CTNNA2: variants seen among roughly 807,000 people sequenced by gnomAD.
CTNNA2 encodes catenin alpha-2.
Under a neutral mutation model 101.0 loss-of-function variants are expected in CTNNA2, and 42 were observed. The ratio of observed to expected loss-of-function variants is 0.42; its 90% confidence interval spans 0.32 to 0.54. The LOEUF is 0.54. Ranked by LOEUF, CTNNA2 falls within the 20% of genes least tolerant of loss-of-function variation. The pLI is 0.14. For missense variants in CTNNA2, 871 were observed against 1,223.1 expected, an observed-to-expected ratio of 0.71 and a Z score of 4.29; for synonymous variants, 450 against 456.4, an observed-to-expected ratio of 0.99 and a Z score of 0.18.
chr2:79,540,677 G>A (rs1016801608), intron 1 of CTNNA2, among the ~76,000 whole-genome samples: 4 of 152,188 alleles, frequency 2.6e-5, no homozygotes, highest in African/African-American at 9.7e-5. Context: ...TTTATAATGA[G>A]CACATGAAAT....
At chr2:79,466,133 T>C (rs1670931850) in intron 4 of CTNNA2, among the ~76,000 whole-genome samples, 1 of 152,166 alleles carries the variant, frequency 6.6e-6, no homozygotes, top group African/African-American at 2.4e-5. Flanking sequence ...TTCCCTTTCC[T>C]AGCCAAGGGT....
At chr2:79,188,489 C>T (rs964691800) in intron 1 of CTNNA2, among the ~76,000 whole-genome samples, 2 of 152,182 alleles carry the variant, frequency 1.3e-5, no homozygotes, top group African/African-American at 2.4e-5. Context: ...CCACCTATTG[C>T]TGGAACCTAA....
At chr2:79,906,243 A>G (rs1363309212) in intron 6 of CTNNA2, among the ~76,000 whole-genome samples, 1 of 151,958 alleles carries the variant, frequency 6.6e-6, no homozygotes, top group Non-Finnish European at 1.5e-5. Context: ...CCATACACAC[A>G]TACACACACA....
intron 7 of CTNNA2, among the ~76,000 whole-genome samples, chr2:79,943,110 G>A (rs1440212036): frequency 3.3e-5 from 5 of 152,198 alleles, no homozygotes; most frequent in Middle Eastern, 3.4e-3. Context: ...CCAGCTACTC[G>A]GTAGGCTGAA....
rs192153163 is a variant in CTNNA2 at position 80,117,820 on chromosome 2, G to A, written c.1056+208023G>A. 2.6e-5 allele frequency among the ~76,000 whole-genome samples: 4 copies of A among 152,286 alleles called. No individual in the cohort carries two copies. The East Asian group carries it at 7.7e-4, about 29-fold the overall frequency. ...TCAGCTTACAACACATAGTTTGGGT[G>A]TTATATTAGTATTAGTGTTTGACTA... is the stretch of plus-strand genomic sequence containing the variant. On this transcript the variant is annotated intron_variant, in intron 7 of 18. Coordinates refer to ENST00000402739, the MANE Select transcript of CTNNA2 (RefSeq NM_001282597.3).
chr2:80,581,685 CTT>C lies in CTNNA2; in HGVS notation c.1894-20_1894-19del, dbSNP rs1695558395. The C allele has an allele frequency of 1.4e-6, 2 of 1,450,666 alleles. No individual in the cohort carries two copies. Among genetic ancestry groups the C allele is most frequent in the Non-Finnish European group, 1.9e-6 (2 of 1,031,854 alleles). The allele number at this position is 1,450,666 out of a possible 1,614,324, so 89.9% of individuals were successfully genotyped here. On this transcript the variant is annotated intron_variant, in intron 13 of 18. Coordinates refer to ENST00000402739, the MANE Select transcript of CTNNA2 (RefSeq NM_001282597.3). The stretch of plus-strand genomic sequence containing the variant: ...AAGATTATCAATTTAAGTATGCTGA[CTT>C]ATATCTTTTTGTCTTTAGACCCCAG...
chr2:79,199,574 C>A (rs183144116), intron 2 of CTNNA2, among the ~76,000 whole-genome samples: 3 of 152,078 alleles, frequency 2.0e-5, no homozygotes, highest in South Asian at 2.1e-4. Context: ...TAGAATTCAG[C>A]AGTCATTTTG....
At chr2:79,949,761 G>C (rs1688752474) in intron 7 of CTNNA2, among the ~76,000 whole-genome samples, 1 of 152,058 alleles carries the variant, frequency 6.6e-6, no homozygotes, top group Non-Finnish European at 1.5e-5. Context: ...CTGGGTGAAA[G>C]AGTGAAAGCC....
At chr2:79,566,873 A>G (rs1675148416) in intron 1 of CTNNA2, among the ~76,000 whole-genome samples, 1 of 152,132 alleles carries the variant, frequency 6.6e-6, no homozygotes, top group Non-Finnish European at 1.5e-5. Flanking sequence ...TTCCTTCTAT[A>G]TTTACAACTC....
intron 7 of CTNNA2, among the ~76,000 whole-genome samples, chr2:80,228,169 T>G (rs542571037): frequency 2.0e-5 from 3 of 152,220 alleles, no homozygotes; most frequent in Non-Finnish European, 4.4e-5. Flanking sequence ...GGCCATTGCC[T>G]AAGTCCATTT....
At chr2:79,850,240 CCTCT>C (rs1680572059) in intron 3 of CTNNA2, among the ~76,000 whole-genome samples, 2 of 145,946 alleles carry the variant, frequency 1.4e-5, no homozygotes, top group African/African-American at 2.6e-5. Flanking sequence ...TATCTCTCTC[CCTCT>C]GTTTCTCTCT....
chr2:79,312,113 T>G (rs1193197796), intron 2 of CTNNA2, among the ~76,000 whole-genome samples: 1 of 152,108 alleles, frequency 6.6e-6, no homozygotes, highest in African/African-American at 2.4e-5. Context: ...GTCACCATGT[T>G]GCCCAGGCTG....
At chr2:80,438,124 G>A (rs1017445092) in intron 9 of CTNNA2, among the ~76,000 whole-genome samples, 6 of 152,188 alleles carry the variant, frequency 3.9e-5, no homozygotes, top group Non-Finnish European at 4.4e-5. Flanking sequence ...AGCAAGTTTG[G>A]TTTCTCCTGA....
chr2:79,600,812 G>A (rs1234225982), intron 1 of CTNNA2, among the ~76,000 whole-genome samples: 1 of 152,014 alleles, frequency 6.6e-6, no homozygotes, highest in Non-Finnish European at 1.5e-5. Flanking sequence ...ACTCTTTCTG[G>A]TTTGTATACT....
intron 7 of CTNNA2, among the ~76,000 whole-genome samples, chr2:80,287,857 A>G (rs184848322): frequency 1.3e-5 from 2 of 152,314 alleles, no homozygotes; most frequent in East Asian, 3.9e-4. Flanking sequence ...CACCTTCGAT[A>G]GGGTACAAAT....
chr2:79,369,359 G>A (rs891835862), intron 3 of CTNNA2, among the ~76,000 whole-genome samples: 3 of 152,100 alleles, frequency 2.0e-5, no homozygotes, highest in East Asian at 1.9e-4. Flanking sequence ...CGCAGCCCCC[G>A]AGCACTGCCA....
chr2:80,446,397 A>C (rs1683072975), intron 9 of CTNNA2, among the ~76,000 whole-genome samples: 2 of 152,254 alleles, frequency 1.3e-5, no homozygotes, highest in Admixed American at 1.3e-4. Flanking sequence ...TGTTATGTGC[A>C]CACTCGACCT....
intron 2 of CTNNA2, among the ~76,000 whole-genome samples, chr2:79,266,895 A>G (rs1360508980): frequency 1.3e-5 from 2 of 152,160 alleles, no homozygotes; most frequent in East Asian, 3.9e-4. Context: ...CATTGCAGGC[A>G]GCATTGAAAG....
At chr2:80,126,753 C>T (rs1702157611) in intron 7 of CTNNA2, among the ~76,000 whole-genome samples, 2 of 151,914 alleles carry the variant, frequency 1.3e-5, no homozygotes, top group South Asian at 4.2e-4. Flanking sequence ...TTTCCCGTTT[C>T]CCTCAGGGCT....
Sources: gnomAD v4.1 joint callset for allele counts (sites outside exome capture counted in the v4.1 genomes callset) on GRCh38, gnomAD v4.1.1 for gene constraint, MANE v1.5 for transcripts, NCBI Gene and HGNC (gene_info 2026-07-23, HGNC 2026-07-21) for gene names.